Variants in ASTN2 observed in about 807,000 individuals in gnomAD.
ASTN2 encodes astrotactin-2.
ASTN2 carries 54 observed loss-of-function variants against 139.8 expected under a neutral mutation model. That is an observed-to-expected ratio of 0.39 (90% CI 0.31 to 0.48). The LOEUF (loss-of-function observed/expected upper bound fraction) is 0.48. Ranked by LOEUF, ASTN2 falls within the 20% of genes least tolerant of loss-of-function variation. The pLI is 0.95. For synonymous variants in ASTN2, 756 were observed against 719.5 expected (o/e 1.05, Z -0.81); for missense variants, 1,565 against 1,725.1 (o/e 0.91, Z 1.64).
At chr9:117,113,412 T>C (rs549732570) in intron 4 of ASTN2, among the ~76,000 whole-genome samples, 3 of 152,122 alleles carry the variant, frequency 2.0e-5, no homozygotes, top group Non-Finnish European at 2.9e-5. Flanking sequence ...TCCCAGCACA[T>C]TGGGAGGCCA....
chr9:117,130,534 T>C (rs1829802960), intron 4 of ASTN2, among the ~76,000 whole-genome samples: 1 of 152,168 alleles, frequency 6.6e-6, no homozygotes, highest in Non-Finnish European at 1.5e-5. Flanking sequence ...TTCTTACAAC[T>C]TATATCTGCA....
chr9:116,475,012 G>C (rs1351876498), intron 20 of ASTN2, among the ~76,000 whole-genome samples: 1 of 152,186 alleles, frequency 6.6e-6, no homozygotes, highest in Non-Finnish European at 1.5e-5. Context: ...CCTTGACTAT[G>C]ATGCCAGAGT....
At chr9:117,155,633 C>T (rs535972782) in intron 3 of ASTN2, among the ~76,000 whole-genome samples, 46 of 152,036 alleles carry the variant, frequency 3.0e-4, no homozygotes, top group Non-Finnish European at 5.7e-4. Context: ...ATAAGGGTTA[C>T]AGACTATCAA....
At chr9:116,917,332 C>T (rs1834476527) in intron 10 of ASTN2, among the ~76,000 whole-genome samples, 1 of 149,832 alleles carries the variant, frequency 6.7e-6, no homozygotes. Flanking sequence ...TTAATGTCAG[C>T]CCCACCCCCC....
At chr9:117,299,914 G>A (rs1263845333) in intron 1 of ASTN2, among the ~76,000 whole-genome samples, 8 of 152,194 alleles carry the variant, frequency 5.3e-5, no homozygotes, top group Non-Finnish European at 1.0e-4. Flanking sequence ...TACAGCACCT[G>A]ACTGGTATCC....
chr9:116,984,989 C>T (rs1928999), intron 7 of ASTN2, among the ~76,000 whole-genome samples: 61,459 of 151,958 alleles, frequency 0.4, 14,713 homozygotes, highest in South Asian at 0.57. Context: ...AAACATGATT[C>T]GCGTGAAATA....
chr9:116,446,936 T>TGTCATCCTCAGGACATC (rs1170144860), intron 20 of ASTN2, among the ~76,000 whole-genome samples: 13 of 152,218 alleles, frequency 8.5e-5, no homozygotes, highest in African/African-American at 3.1e-4. Flanking sequence ...GTCAGGACAT[T>TGTCATCCTCAGGACATC]GTCATCCTCA....
intron 16 of ASTN2, among the ~76,000 whole-genome samples, chr9:116,660,672 T>C (rs1303770385): frequency 6.6e-6 from 1 of 152,204 alleles, no homozygotes; most frequent in Non-Finnish European, 1.5e-5. Flanking sequence ...ACCTGCCTGA[T>C]GCTTTAACTG....
intron 10 of ASTN2, among the ~76,000 whole-genome samples, chr9:116,899,679 C>T (rs1396471278): frequency 2.0e-5 from 3 of 152,166 alleles, no homozygotes; most frequent in Admixed American, 6.5e-5. Context: ...ATAACAGCTC[C>T]TTCCTGAAAC....
Position 116,805,679 on chromosome 9 carries a change from G to C in ASTN2, c.2349C>G (p.Asn783Lys). Residue 783 changes from asparagine (N) to lysine (K), a missense_variant, in exon 13 of 23, where the codon AAC becomes AAG. By Grantham distance (94) the Asn-to-Lys change is moderately conservative (BLOSUM62 0). Around this residue, in one of 4 missense-constraint regions of ASTN2, gnomAD observed 503 missense variants for 591.7 expected, o/e 0.85. Transcript: ENST00000313400. ...LFGEMLHGYNNRTQHVNQGQV... is the reference protein window; with the variant it reads ...LFGEMLHGYNKRTQHVNQGQV... ...GGCCTTGGTTCACATGCTGGGTCCG[G>C]TTGTTGTAACCATGTAGCATCTCTC... The C allele has an allele frequency of 6.2e-7, 1 of 1,613,958 alleles. No homozygotes were observed. Among genetic ancestry groups the C allele is most frequent in the Non-Finnish European group, 8.5e-7 (1 of 1,179,858 alleles).
At chr9:117,348,228 C>A (rs1157621750) in intron 1 of ASTN2, among the ~76,000 whole-genome samples, 3 of 152,168 alleles carry the variant, frequency 2.0e-5, no homozygotes. Flanking sequence ...ATATTCAAGG[C>A]AATTTTCCAG....
chr9:116,500,744 A>C (rs1849826551), intron 19 of ASTN2, among the ~76,000 whole-genome samples: 1 of 152,238 alleles, frequency 6.6e-6, no homozygotes, highest in Non-Finnish European at 1.5e-5. Context: ...TCTCTAGGGA[A>C]TCAATGAACT....
Position 117,402,617 on chromosome 9 carries a change from G to T in ASTN2, c.442+11880C>A, listed in dbSNP as rs140799878. On this transcript the variant is annotated intron_variant, in intron 1 of 22. Coordinates refer to ENST00000313400, the MANE Select transcript of ASTN2 (RefSeq NM_001365068.1). ...AAATAAAGGACGCTCAGTTCACTTTGAATTTCAGATAGTCAGCGAGACATT... is the reference window on the plus strand; with the variant it reads ...AAATAAAGGACGCTCAGTTCACTTTTAATTTCAGATAGTCAGCGAGACATT... Among the ~76,000 whole-genome samples, 313 of 152,266 alleles carry T rather than the reference G, an allele frequency of 2.1e-3. 1 individual carries two copies. Among genetic ancestry groups the T allele is most frequent in the African/African-American group, 7.1e-3 (294 of 41,544 alleles).
At chr9:117,188,225 G>T (rs1588055384) in intron 3 of ASTN2, among the ~76,000 whole-genome samples, 1 of 151,548 alleles carries the variant, frequency 6.6e-6, no homozygotes, top group African/African-American at 2.4e-5. Context: ...AATCACCCCC[G>T]ATCCTGGTTG....
At chr9:116,979,935 C>CT (rs1836460261) in intron 7 of ASTN2, among the ~76,000 whole-genome samples, 1 of 152,146 alleles carries the variant, frequency 6.6e-6, no homozygotes, top group Non-Finnish European at 1.5e-5. Context: ...TTCTCTCCTC[C>CT]TTGTGCACTT....
intron 13 of ASTN2, among the ~76,000 whole-genome samples, chr9:116,766,032 A>C (rs1199693390): frequency 6.6e-6 from 1 of 152,194 alleles, no homozygotes; most frequent in Admixed American, 6.5e-5. Context: ...CTGTCAATAT[A>C]ACTATTAAGT....
intron 20 of ASTN2, among the ~76,000 whole-genome samples, chr9:116,461,042 T>C (rs1848470852): frequency 6.6e-6 from 1 of 152,086 alleles, no homozygotes; most frequent in Non-Finnish European, 1.5e-5. Flanking sequence ...TTCCCAATAA[T>C]GTGCACATCC....
intron 19 of ASTN2, among the ~76,000 whole-genome samples, chr9:116,513,694 T>A (rs918407765): frequency 6.6e-6 from 1 of 152,152 alleles, no homozygotes; most frequent in South Asian, 2.1e-4. Flanking sequence ...AGGCTTTGTT[T>A]GTTTCTTTTT....
At chr9:117,201,968 G>A (rs1831737562) in intron 3 of ASTN2, among the ~76,000 whole-genome samples, 1 of 152,134 alleles carries the variant, frequency 6.6e-6, no homozygotes, top group African/African-American at 2.4e-5. Context: ...TATTGTGTGG[G>A]AGTCTAAGTC....
Sources: gnomAD v4.1 joint callset for allele counts (sites outside exome capture counted in the v4.1 genomes callset) on GRCh38, gnomAD v4.1.1 for gene constraint, gnomAD v4.1.1 regional missense constraint, MANE v1.5 for transcripts, NCBI Gene and HGNC (gene_info 2026-07-23, HGNC 2026-07-21) for gene names.